The following PRDM5 variants were observed in gnomAD, a reference collection of about 807,000 sequenced individuals.
PRDM5 encodes the protein PR domain zinc finger protein 5.
A neutral mutation model predicts 81.2 loss-of-function variants in PRDM5; 56 were observed. The observed-to-expected ratio is 0.69, with a 90% CI of 0.56 to 0.86. PRDM5 has a LOEUF of 0.86. Among genes scored for constraint, PRDM5 ranks in the 40% least tolerant of loss-of-function variants. PRDM5 has a pLI of 0.00. For missense variants in PRDM5, 697 were observed against 770.1 expected, an observed-to-expected ratio of 0.91 and a Z score of 1.12; for synonymous variants, 267 against 256.4, an observed-to-expected ratio of 1.04 and a Z score of -0.39.
At chr4:120,711,185 G>C (rs541477096) in intron 14 of PRDM5, among the ~76,000 whole-genome samples, 1 of 152,334 alleles carries the variant, frequency 6.6e-6, no homozygotes, top group African/African-American at 2.4e-5. Flanking sequence ...CCTTGATCTA[G>C]AGGGTACAAA....
chr4:120,814,574 T>A (rs1754246054), intron 7 of PRDM5, among the ~76,000 whole-genome samples: 3 of 152,214 alleles, frequency 2.0e-5, no homozygotes, highest in African/African-American at 7.2e-5. Context: ...AGCTTCTCTC[T>A]AATCATCATC....
chr4:120,859,853 T>G (rs774496410), intron 2 of PRDM5, among the ~76,000 whole-genome samples: 2 of 152,102 alleles, frequency 1.3e-5, no homozygotes, highest in Non-Finnish European at 2.9e-5. Context: ...AACAAATAAC[T>G]CCTTCCTTTT....
intron 15 of PRDM5, among the ~76,000 whole-genome samples, chr4:120,700,810 C>T (rs1048075471): frequency 6.6e-6 from 1 of 152,130 alleles, no homozygotes; most frequent in Non-Finnish European, 1.5e-5. Context: ...GATATTATCT[C>T]ACACTAGTCA....
rs182238556 is a variant in PRDM5 at position 120,734,490 on chromosome 4, A to T, written c.1623+20063T>A. The stretch of plus-strand genomic sequence containing the variant: ...AAACTAGCCTGGCAAACACTAGCCT[A>T]AACAAACTATAAGAAATGCCTTTAT... On this transcript the variant is annotated intron_variant, in intron 14 of 15. Coordinates refer to ENST00000264808, the MANE Select transcript of PRDM5 (RefSeq NM_018699.4). Among the ~76,000 whole-genome samples, 135 of 152,192 alleles carry T rather than the reference A, an allele frequency of 8.9e-4. 1 individual carries two copies. Among genetic ancestry groups the T allele is most frequent in the South Asian group, 1.7e-3 (8 of 4,826 alleles).
intron 2 of PRDM5, among the ~76,000 whole-genome samples, chr4:120,885,939 A>T (rs1763396547): frequency 6.6e-6 from 1 of 152,132 alleles, no homozygotes; most frequent in Non-Finnish European, 1.5e-5. Flanking sequence ...GCATTCTTTA[A>T]TCACACCTCA....
chr4:120,823,011 T>TAAGC (rs1181228666), intron 3 of PRDM5, among the ~76,000 whole-genome samples: 1 of 152,192 alleles, frequency 6.6e-6, no homozygotes, highest in East Asian at 1.9e-4. Context: ...ATATAGACAC[T>TAAGC]AAGCAAGAGG....
At position 120,893,319 on chromosome 4, in the gene PRDM5, C is replaced by G. The variant is rs538889338; in HGVS notation, c.177+14155G>C. Among the ~76,000 whole-genome samples, 375 of 152,302 alleles carry G rather than the reference C, an allele frequency of 2.5e-3. 2 individuals are homozygous for G. The highest frequency in any genetic ancestry group is 8.4e-3 in the African/African-American group (351 of 41,552). On this transcript the variant is annotated intron_variant, in intron 2 of 15. Transcript: ENST00000264808. The stretch of plus-strand genomic sequence containing the variant: ...GTCCAGCTTTATTCCTCTCTACTCT[C>G]TGTGTCTCCCTGCTGCCTTGATGGA...
chr4:120,738,982 G>C (rs1360412290), intron 14 of PRDM5, among the ~76,000 whole-genome samples: 1 of 152,018 alleles, frequency 6.6e-6, no homozygotes, highest in African/African-American at 2.4e-5. Context: ...TTTTCACTTG[G>C]AGTCTTTCTT....
At chr4:120,698,971 A>T (rs938161584) in intron 15 of PRDM5, among the ~76,000 whole-genome samples, 8 of 151,946 alleles carry the variant, frequency 5.3e-5, no homozygotes, top group Non-Finnish European at 1.0e-4. Context: ...TAAAACATAC[A>T]CATGTACTAC....
At chr4:120,763,823 G>T (rs1367191411) in intron 13 of PRDM5, among the ~76,000 whole-genome samples, 1 of 151,842 alleles carries the variant, frequency 6.6e-6, no homozygotes, top group East Asian at 1.9e-4. Context: ...GCACAAAGAG[G>T]AGTTTCCTAT....
chr4:120,800,727 A>T (rs1578785193), intron 8 of PRDM5, among the ~76,000 whole-genome samples: 1 of 152,170 alleles, frequency 6.6e-6, no homozygotes, highest in Non-Finnish European at 1.5e-5. Flanking sequence ...AGGAGGAAAA[A>T]TGGGTAACTA....
At chr4:120,858,389 G>A (rs1760129239) in intron 2 of PRDM5, among the ~76,000 whole-genome samples, 1 of 148,772 alleles carries the variant, frequency 6.7e-6, no homozygotes, top group African/African-American at 2.4e-5. Flanking sequence ...CAATTCTGAC[G>A]GCACATTGTT....
At chr4:120,857,612 A>AGCTATT (rs1760034904) in intron 2 of PRDM5, among the ~76,000 whole-genome samples, 1 of 152,200 alleles carries the variant, frequency 6.6e-6, no homozygotes, top group African/African-American at 2.4e-5. Flanking sequence ...CTAAAAGTTC[A>AGCTATT]CAACATTGAA....
chr4:120,754,936 TCTC>T (rs776030386), intron 13 of PRDM5, among the ~76,000 whole-genome samples: 10 of 152,240 alleles, frequency 6.6e-5, no homozygotes, highest in African/African-American at 1.9e-4. Flanking sequence ...CCAAATTAAA[TCTC>T]CTCATTTTAA....
chr4:120,911,843 C>T (rs978272949), intron 1 of PRDM5, among the ~76,000 whole-genome samples: 3 of 152,122 alleles, frequency 2.0e-5, no homozygotes, highest in Non-Finnish European at 4.4e-5. Flanking sequence ...TAAGCCCATA[C>T]TGTCAGTGAG....
chr4:120,695,298 C>T lies in PRDM5; in HGVS notation c.1729-23G>A, dbSNP rs757766191. 4 of 1,612,376 alleles carry T rather than the reference C, an allele frequency of 2.5e-6. No individual in the cohort carries two copies. The South Asian group carries it at 3.3e-5, about 13-fold the overall frequency. On this transcript the variant is annotated intron_variant, in intron 15 of 15. Coordinates refer to ENST00000264808, the MANE Select transcript of PRDM5 (RefSeq NM_018699.4). The stretch of plus-strand genomic sequence containing the variant: ...AACCTAGAAAAGACCCAAAGACCAA[C>T]CATATTATACTGAAATAAACAAAAT...
At chr4:120,790,909 C>T (rs1750472651) in intron 10 of PRDM5, among the ~76,000 whole-genome samples, 1 of 152,124 alleles carries the variant, frequency 6.6e-6, no homozygotes. Context: ...TGCCACTGCA[C>T]TCCAGCCTGG....
intron 2 of PRDM5, among the ~76,000 whole-genome samples, chr4:120,854,286 C>T (rs974273709): frequency 6.6e-6 from 1 of 152,166 alleles, no homozygotes; most frequent in African/African-American, 2.4e-5. Context: ...AAAACCCCTG[C>T]ATTATCAGTT....
At chr4:120,872,566 C>T (rs1761939491) in intron 2 of PRDM5, among the ~76,000 whole-genome samples, 1 of 152,088 alleles carries the variant, frequency 6.6e-6, no homozygotes, top group Non-Finnish European at 1.5e-5. Flanking sequence ...GTCTGGGCAA[C>T]ATACCCTAAT....
Sources: allele counts gnomAD v4.1 joint callset (sites outside exome capture counted in the v4.1 genomes callset), GRCh38; gene constraint gnomAD v4.1.1; transcripts MANE v1.5; gene names NCBI Gene and HGNC (gene_info 2026-07-23, HGNC 2026-07-21).